Variants in ARHGAP24 observed in about 807,000 individuals in gnomAD.
ARHGAP24 encodes the protein Rho GTPase activating protein 24.
ARHGAP24 carries 50 observed loss-of-function variants against 76.4 expected under a neutral mutation model. That is an observed-to-expected ratio of 0.65 (90% confidence interval 0.52 to 0.83). The LOEUF is 0.83. ARHGAP24 is among the 40% of genes least tolerant of loss of function. ARHGAP24 has a pLI of 0.00. For synonymous variants in ARHGAP24, 345 were observed against 323.3 expected (o/e 1.07, Z -0.72); for missense variants, 930 against 914.2 (o/e 1.02, Z -0.22).
chr4:85,683,906 C>T (rs955993643), intron 2 of ARHGAP24, among the ~76,000 whole-genome samples: 1 of 152,152 alleles, frequency 6.6e-6, no homozygotes, highest in Non-Finnish European at 1.5e-5. Flanking sequence ...CTCCAGGTTG[C>T]ATCATATAGT....
chr4:85,804,761 C>T (rs1728721638), intron 3 of ARHGAP24, among the ~76,000 whole-genome samples: 1 of 151,978 alleles, frequency 6.6e-6, no homozygotes. Context: ...CTATTCTAAC[C>T]CTTTCCTGGG....
At chr4:85,891,097 TAA>T (rs1240263165) in intron 3 of ARHGAP24, among the ~76,000 whole-genome samples, 4 of 152,150 alleles carry the variant, frequency 2.6e-5, no homozygotes, top group African/African-American at 4.8e-5. Flanking sequence ...GGTGGGGATG[TAA>T]ACTGGACAGA....
intron 2 of ARHGAP24, among the ~76,000 whole-genome samples, chr4:85,628,822 A>G (rs1721063378): frequency 6.6e-6 from 1 of 152,152 alleles, no homozygotes; most frequent in South Asian, 2.1e-4. Context: ...CTCTCTGGTA[A>G]TACATTTGCA....
chr4:85,665,904 T>G (rs1483841990), intron 2 of ARHGAP24, among the ~76,000 whole-genome samples: 1 of 152,240 alleles, frequency 6.6e-6, no homozygotes, highest in Non-Finnish European at 1.5e-5. Context: ...CTGATGGGCT[T>G]CCCTTTGTGG....
At chr4:85,712,442 T>C (rs994726686) in intron 2 of ARHGAP24, among the ~76,000 whole-genome samples, 2 of 152,210 alleles carry the variant, frequency 1.3e-5, no homozygotes, top group Non-Finnish European at 2.9e-5. Context: ...ACCTTTTTTG[T>C]ATTAGTTTCC....
chr4:85,818,800 CTCTTT>C (rs1212357546), intron 3 of ARHGAP24, among the ~76,000 whole-genome samples: 1 of 152,102 alleles, frequency 6.6e-6, no homozygotes, highest in Non-Finnish European at 1.5e-5. Flanking sequence ...TGAAATAATT[CTCTTT>C]TATTCTCTAT....
chr4:85,529,129 G>T (rs1725147376), intron 1 of ARHGAP24, among the ~76,000 whole-genome samples: 1 of 151,922 alleles, frequency 6.6e-6, no homozygotes, highest in African/African-American at 2.4e-5. Context: ...GAAGGTATGT[G>T]CACATATAGT....
chr4:85,801,442 T>C (rs1416522124), intron 3 of ARHGAP24, among the ~76,000 whole-genome samples: 1 of 152,248 alleles, frequency 6.6e-6, no homozygotes, highest in Non-Finnish European at 1.5e-5. Flanking sequence ...ACTTGTAATA[T>C]GATATAAGGC....
At chr4:85,735,378 A>G (rs557829243) in intron 3 of ARHGAP24, among the ~76,000 whole-genome samples, 44 of 152,194 alleles carry the variant, frequency 2.9e-4, no homozygotes, top group Non-Finnish European at 6.2e-4. Flanking sequence ...GCTTTGTTCA[A>G]ATCAACTTTT....
intron 2 of ARHGAP24, among the ~76,000 whole-genome samples, chr4:85,621,903 AC>A (rs1274014403): frequency 8.5e-5 from 13 of 152,106 alleles, no homozygotes; most frequent in Non-Finnish European, 1.8e-4. Flanking sequence ...TTTAGGTCTT[AC>A]ATTTTAGTCA....
chr4:85,913,631 G>C (rs1046308713), intron 3 of ARHGAP24, among the ~76,000 whole-genome samples: 2 of 152,054 alleles, frequency 1.3e-5, no homozygotes, highest in Non-Finnish European at 2.9e-5. Flanking sequence ...ATTCACTGCT[G>C]TATCCTCAGA....
chr4:85,957,080 G>A (rs1469032628), intron 5 of ARHGAP24, among the ~76,000 whole-genome samples: 1 of 152,112 alleles, frequency 6.6e-6, no homozygotes, highest in Non-Finnish European at 1.5e-5. Flanking sequence ...GATTGGTCAG[G>A]TGTGAGCTAA....
chr4:85,612,285 TG>T (rs1435155353), intron 2 of ARHGAP24, among the ~76,000 whole-genome samples: 1 of 144,564 alleles, frequency 6.9e-6, no homozygotes, highest in Non-Finnish European at 1.5e-5. Context: ...GGCGTGGTGG[TG>T]GGCGCCTGTA....
intron 3 of ARHGAP24, among the ~76,000 whole-genome samples, chr4:85,870,360 A>T (rs965577369): frequency 2.0e-5 from 3 of 152,156 alleles, no homozygotes; most frequent in Non-Finnish European, 1.5e-5. Context: ...AGCAGAACTC[A>T]TTCATTAGAT....
chr4:85,998,815 G>T (rs1264418522), intron 9 of ARHGAP24, among the ~76,000 whole-genome samples: 1 of 152,052 alleles, frequency 6.6e-6, no homozygotes, highest in Non-Finnish European at 1.5e-5. Flanking sequence ...TAAATTACTT[G>T]TAGTTTTCTG....
intron 1 of ARHGAP24, among the ~76,000 whole-genome samples, chr4:85,499,905 GA>G (rs1560509993): frequency 6.6e-6 from 1 of 151,752 alleles, no homozygotes; most frequent in African/African-American, 2.4e-5. Context: ...TTAATTATTG[GA>G]AAAAAAGTTA....
rs540836752 is a variant in ARHGAP24, at chr4:85,900,967, T to A, written c.269-22681T>A. ...AACTGATGCTGTCTTAGTCACCATA[T>A]CCAGACTGGCAGATGTTCAATTTAT... is the stretch of plus-strand genomic sequence containing the variant. On this transcript the variant is annotated intron_variant, in intron 3 of 9. Coordinates refer to ENST00000395184, the MANE Select transcript of ARHGAP24 (RefSeq NM_001025616.3). 4.6e-5 allele frequency among the ~76,000 whole-genome samples: 7 copies of A among 152,316 alleles called. No individual in the cohort carries two copies. In the East Asian group the frequency reaches 1.3e-3, roughly 29 times the overall value.
intron 1 of ARHGAP24, among the ~76,000 whole-genome samples, chr4:85,516,705 G>C (rs1367025513): frequency 7.1e-6 from 1 of 140,714 alleles, no homozygotes; most frequent in Admixed American, 7.3e-5. Context: ...TCTTATGTTT[G>C]GGATACATGT....
intron 4 of ARHGAP24, among the ~76,000 whole-genome samples, chr4:85,931,711 G>A (rs1736344028): frequency 6.6e-6 from 1 of 152,120 alleles, no homozygotes; most frequent in South Asian, 2.1e-4. Flanking sequence ...TGACTTATTT[G>A]GGGGGAGTTA....
Sources: allele counts gnomAD v4.1 joint callset (sites outside exome capture counted in the v4.1 genomes callset), GRCh38; gene constraint gnomAD v4.1.1; transcripts MANE v1.5; gene names NCBI Gene and HGNC (gene_info 2026-07-23, HGNC 2026-07-21).